GPATCH2: variants seen among roughly 807,000 people sequenced by gnomAD.
The protein encoded by GPATCH2 is G patch domain-containing protein 2.
A neutral mutation model predicts 58.0 loss-of-function variants in GPATCH2; 51 were observed. The observed-to-expected ratio is 0.88, with a 90% CI of 0.70 to 1.11. The LOEUF (loss-of-function observed/expected upper bound fraction) is 1.11. Among genes scored for constraint, GPATCH2 ranks in the 50% most tolerant of loss-of-function variants. The pLI is 0.00. For missense variants in GPATCH2, 625 were observed against 652.2 expected (o/e 0.96, Z 0.45); for synonymous variants, 222 against 218.5 (o/e 1.02, Z -0.14).
intron 5 of GPATCH2, among the ~76,000 whole-genome samples, chr1:217,553,677 G>T (rs1267036851): frequency 6.6e-6 from 1 of 152,132 alleles, no homozygotes; most frequent in South Asian, 2.1e-4. Context: ...AACAATAAAT[G>T]CATTCTTATT....
intron 5 of GPATCH2, among the ~76,000 whole-genome samples, chr1:217,539,884 T>C (rs1456796074): frequency 8.1e-6 from 1 of 124,190 alleles, no homozygotes; most frequent in Non-Finnish European, 1.7e-5. Context: ...TTTATTTATA[T>C]ATGTATTTAT....
chr1:217,556,214 C>A (rs1362426520), intron 5 of GPATCH2, among the ~76,000 whole-genome samples: 2 of 152,102 alleles, frequency 1.3e-5, no homozygotes, highest in African/African-American at 2.4e-5. Flanking sequence ...TAAGTCTGTA[C>A]AAAAACCACA....
intron 7 of GPATCH2, among the ~76,000 whole-genome samples, chr1:217,493,314 T>C (rs1571800955): frequency 6.6e-6 from 1 of 152,170 alleles, no homozygotes; most frequent in South Asian, 2.1e-4. Flanking sequence ...CATCTCTAAA[T>C]TCATAATTTA....
chr1:217,571,809 C>T (rs9699764), intron 5 of GPATCH2, among the ~76,000 whole-genome samples: 4,967 of 150,960 alleles, frequency 0.033, 111 homozygotes, highest in Middle Eastern at 0.1. Context: ...ACGAGAATCA[C>T]TTGAACCCAG....
intron 5 of GPATCH2, among the ~76,000 whole-genome samples, chr1:217,520,868 G>A (rs1453769869): frequency 5.3e-5 from 8 of 151,954 alleles, no homozygotes; most frequent in Admixed American, 4.6e-4. Flanking sequence ...ACAAGGTCTT[G>A]TTCTGTTGCC....
At chr1:217,604,319 C>T (rs934109264) in intron 5 of GPATCH2, among the ~76,000 whole-genome samples, 3 of 150,754 alleles carry the variant, frequency 2.0e-5, no homozygotes, top group Non-Finnish European at 4.4e-5. Context: ...CCACTGCACT[C>T]CAACCTGGGT....
intron 8 of GPATCH2, among the ~76,000 whole-genome samples, chr1:217,479,048 A>G (rs1293351348): frequency 2.6e-5 from 4 of 152,160 alleles, no homozygotes; most frequent in Admixed American, 2.0e-4. Context: ...TCCTTCAAAC[A>G]TGAAGGAGAA....
chr1:217,487,171 C>A (rs1219319425), intron 8 of GPATCH2, among the ~76,000 whole-genome samples: 3 of 152,180 alleles, frequency 2.0e-5, no homozygotes, highest in Non-Finnish European at 4.4e-5. Context: ...TAAGATAGCA[C>A]CTATAATACC....
At chr1:217,621,675 C>G (rs1263202421) in intron 1 of GPATCH2, among the ~76,000 whole-genome samples, 2 of 152,250 alleles carry the variant, frequency 1.3e-5, no homozygotes, top group East Asian at 3.9e-4. Flanking sequence ...GACCCATAGT[C>G]TATATAGTCT....
intron 5 of GPATCH2, among the ~76,000 whole-genome samples, chr1:217,565,928 C>A (rs12117604): frequency 6.6e-6 from 1 of 151,586 alleles, no homozygotes; most frequent in East Asian, 1.9e-4. Context: ...ATGGAGAAAC[C>A]TCATCTCTAC....
At chr1:217,611,190 A>G in intron 3 of GPATCH2, 119 bp from the exon 4 acceptor site, 1 of 866,710 alleles carries the variant, frequency 1.2e-6, no homozygotes, top group Non-Finnish European at 1.8e-6. Context: ...TTTGAGATCA[A>G]TGACTAACTT....
At chr1:217,469,388 T>C (rs906888056) in intron 8 of GPATCH2, among the ~76,000 whole-genome samples, 7 of 152,078 alleles carry the variant, frequency 4.6e-5, no homozygotes, top group Non-Finnish European at 1.0e-4. Context: ...CAGAAGTATA[T>C]GAAATAAACA....
chr1:217,569,598 G>C (rs756088463), intron 5 of GPATCH2, among the ~76,000 whole-genome samples: 1 of 152,202 alleles, frequency 6.6e-6, no homozygotes, highest in Non-Finnish European at 1.5e-5. Flanking sequence ...GGGAGGCTGA[G>C]GCGGGAGAAC....
chr1:217,448,979 A>G (rs1273665448), intron 9 of GPATCH2, among the ~76,000 whole-genome samples: 1 of 152,190 alleles, frequency 6.6e-6, no homozygotes, highest in Non-Finnish European at 1.5e-5. Flanking sequence ...TATAGAGGCC[A>G]AAGATATAGC....
At chr1:217,546,992 A>C (rs1292396934) in intron 5 of GPATCH2, among the ~76,000 whole-genome samples, 1 of 152,188 alleles carries the variant, frequency 6.6e-6, no homozygotes, top group Non-Finnish European at 1.5e-5. Context: ...ATGAAAAAAA[A>C]AGCTCAACAT....
intron 7 of GPATCH2, among the ~76,000 whole-genome samples, chr1:217,493,189 A>G (rs1384689579): frequency 1.3e-5 from 2 of 151,890 alleles, no homozygotes; most frequent in African/African-American, 4.8e-5. Flanking sequence ...CTTCTAATCT[A>G]CTCTCCACAC....
At chr1:217,462,411 G>C (rs1291418868) in intron 8 of GPATCH2, among the ~76,000 whole-genome samples, 1 of 152,008 alleles carries the variant, frequency 6.6e-6, no homozygotes, top group Non-Finnish European at 1.5e-5. Context: ...CTGTTTAAGT[G>C]ACTATTTTAG....
At chr1:217,570,178 C>G (rs922780457) in intron 5 of GPATCH2, among the ~76,000 whole-genome samples, 5 of 152,122 alleles carry the variant, frequency 3.3e-5, no homozygotes, top group Non-Finnish European at 4.4e-5. Flanking sequence ...GTGGCTCAAT[C>G]TCGGCTGAAT....
At chr1:217,456,260 C>A (rs765136652) in intron 8 of GPATCH2, among the ~76,000 whole-genome samples, 16 of 152,148 alleles carry the variant, frequency 1.1e-4, no homozygotes, top group Non-Finnish European at 1.9e-4. Context: ...AAGTACCCAC[C>A]CCTAGATGCT....
Sources: allele counts gnomAD v4.1 joint callset (sites outside exome capture counted in the v4.1 genomes callset), GRCh38; gene constraint gnomAD v4.1.1; transcripts MANE v1.5; gene names NCBI Gene and HGNC (gene_info 2026-07-23, HGNC 2026-07-21).